MANSC4: variants seen among roughly 807,000 people sequenced by gnomAD.
MANSC4 encodes the protein MANSC domain-containing protein 4.
MANSC4 carries 11 observed loss-of-function variants against 11.4 expected under a neutral mutation model. The observed-to-expected ratio is 0.97, with a 90% CI of 0.61 to 1.60. MANSC4 has a LOEUF of 1.60. Among genes scored for constraint, MANSC4 ranks in the 40% most tolerant of loss-of-function variants. The pLI, the probability that MANSC4 is intolerant of heterozygous loss-of-function variation, is 0.00. For synonymous variants in MANSC4, 123 were observed against 147.1 expected (o/e 0.84, Z 1.19); for missense variants, 354 against 404.6 (o/e 0.88, Z 1.07).
chr12:27,768,890 A>AAAG (rs1470896166), intron 2 of MANSC4, among the ~76,000 whole-genome samples: 1 of 152,130 alleles, frequency 6.6e-6, no homozygotes, highest in Non-Finnish European at 1.5e-5. Context: ...TCGGCCTCCC[A>AAAG]AAGTGATGGG....
In MANSC4 at chr12:27,762,812, AC is replaced by A. The variant is rs2062053100; in HGVS notation, c.948del (p.Gln316HisfsTer20). 2 of 1,551,714 alleles carry A rather than the reference AC, an allele frequency of 1.3e-6. No individual in the cohort carries two copies. The highest frequency in any genetic ancestry group is 1.7e-6 in the Non-Finnish European group (2 of 1,147,016). On this transcript the variant is annotated frameshift_variant, in exon 4 of 4. Transcript: ENST00000381273. LOFTEE classifies it low-confidence loss of function (END_TRUNC). Reference sequence around the variant, plus strand: ...CCTGATTTTCTCTGTCCTGGTTTATACTGGCCCTGCTGCTTTCCACAGCATC... The same window carrying A: ...CCTGATTTTCTCTGTCCTGGTTTATATGGCCCTGCTGCTTTCCACAGCATC... ...ASGCCGKQQG[Q>X]YKPGQRKSGS...
Position 27,780,204 on chromosome 12 carries a change from C to T in MANSC4, c.-307+6G>A. On this transcript the variant is annotated splice_donor_region_variant and intron_variant, in intron 1 of 3. Coordinates refer to ENST00000381273, the MANE Select transcript of MANSC4 (RefSeq NM_001146221.5). This position sits in a 1 kb window ranked among gnomAD's most constrained non-coding sequence, Gnocchi z 8.8. ...GAGAGGCCGGGCGAGCGCGGGCGGC[C>T]CTCACCTCGCCGCTCCTCCCGGGCC... is the stretch of plus-strand genomic sequence containing the variant. 2.4e-6 allele frequency: 2 copies of T among 817,210 alleles called. No homozygotes were observed. Among genetic ancestry groups the T allele is most frequent in the East Asian group, 4.1e-5 (1 of 24,466 alleles). The allele number at this position is 817,210 out of a possible 1,614,324, so 50.6% of individuals were successfully genotyped here.
chr12:27,763,367 G>T lies in MANSC4; in HGVS notation c.394C>A (p.Gln132Lys). 6.5e-7 allele frequency: 1 copy of T among 1,547,892 alleles called. No homozygotes were observed. ...CGAGTATTTAGATATGTGGGAGATT[G>T]TTCAAAAACCAGCAAATCCGGATCT... The part of the protein sequence containing the change: ...GIDPDLLVFE[Q>K]SPTYLNTRSS... The change falls in exon 4 of 4, where the codon CAA becomes AAA. Residue 132 changes from glutamine (Q) to lysine (K), a missense_variant. Coordinates refer to ENST00000381273, the MANE Select transcript of MANSC4 (RefSeq NM_001146221.5).
In MANSC4 at chr12:27,773,965, T is replaced by C. The variant is rs375876299; in HGVS notation, c.-306-2383A>G. Among the ~76,000 whole-genome samples the C allele has an allele frequency of 1.2e-4, 19 of 152,222 alleles. No individual in the cohort carries two copies. In the East Asian group the frequency reaches 3.3e-3, roughly 26 times the overall value. On this transcript the variant is annotated intron_variant, in intron 1 of 3. Coordinates refer to ENST00000381273, the MANE Select transcript of MANSC4 (RefSeq NM_001146221.5). ...GAGTTTGAGACAAATGTGGCCAATA[T>C]GGTGAAACCTCATCTCTACTAAAAA...
intron 1 of MANSC4, among the ~76,000 whole-genome samples, chr12:27,773,972 A>AC (rs1435850409): frequency 3.3e-5 from 5 of 152,076 alleles, no homozygotes; most frequent in Non-Finnish European, 7.4e-5. Flanking sequence ...ATATGGTGAA[A>AC]CCTCATCTCT....
intron 3 of MANSC4, among the ~76,000 whole-genome samples, chr12:27,766,153 C>T (rs575836957): frequency 2.0e-4 from 30 of 151,906 alleles, no homozygotes; most frequent in East Asian, 5.8e-4. Context: ...CTGCAATCTC[C>T]GCCTCCCAGG....
chr12:27,764,257 T>C (rs1400530490), intron 3 of MANSC4, among the ~76,000 whole-genome samples: 1 of 152,166 alleles, frequency 6.6e-6, no homozygotes, highest in Non-Finnish European at 1.5e-5. Flanking sequence ...TCAACAGCTT[T>C]CCAATGGTCC....
intron 1 of MANSC4, among the ~76,000 whole-genome samples, chr12:27,775,763 A>C (rs1031874440): frequency 2.0e-5 from 3 of 147,216 alleles, no homozygotes; most frequent in Non-Finnish European, 4.6e-5. Flanking sequence ...TGCTGTTCCA[A>C]AATCTGTTTT....
chr12:27,769,471 G>A (rs1279575158), intron 2 of MANSC4, among the ~76,000 whole-genome samples: 4 of 152,134 alleles, frequency 2.6e-5, no homozygotes, highest in Non-Finnish European at 4.4e-5. Flanking sequence ...TGCCCTATAC[G>A]CTTACAGTAT....
Position 27,771,261 on chromosome 12 carries a change from C to T in MANSC4, c.16G>A (p.Val6Ile). 6.4e-7 allele frequency: 1 copy of T among 1,550,436 alleles called. No homozygotes were observed. Among genetic ancestry groups the T allele is most frequent in the East Asian group, 2.4e-5 (1 of 40,920 alleles). ...AGGAGCAATATCACGTTCACTGCTA[C>T]CTCTGCCACATGCATTTTTCCTGTA... Reference protein sequence around the residue: MHVAEVAVNVILLLSM... With the variant: MHVAEIAVNVILLLSM... Residue 6 changes from valine (V) to isoleucine (I), a missense_variant, in exon 2 of 4, where the codon GTA (valine) becomes ATA (isoleucine). By Grantham distance (29) the Val-to-Ile change is conservative. Transcript: ENST00000381273.
In MANSC4 at chr12:27,762,895, A is replaced by C. The variant is rs1199960957; in HGVS notation, c.866T>G (p.Val289Gly). The change falls in exon 4 of 4, where the codon GTG (valine) becomes GGG (glycine). Residue 289 changes from valine to glycine, a missense_variant. Coordinates refer to ENST00000381273, the MANE Select transcript of MANSC4 (RefSeq NM_001146221.5). Reference protein sequence around the residue: ...SVTSKTWLVSVALCTSVIFLG... With the variant: ...SVTSKTWLVSGALCTSVIFLG... Reference sequence around the variant, plus strand: ...AAAGATGACAGAGGTGCAAAGGGCCACAGAAACCAGCCAAGTCTTTGAAGT... The same window carrying C: ...AAAGATGACAGAGGTGCAAAGGGCCCCAGAAACCAGCCAAGTCTTTGAAGT... 21 of 1,552,052 alleles carry C rather than the reference A, an allele frequency of 1.4e-5. No individual in the cohort carries two copies. Among genetic ancestry groups the C allele is most frequent in the Non-Finnish European group, 1.7e-5 (20 of 1,147,134 alleles).
At position 27,766,124 on chromosome 12, in the gene MANSC4, G is replaced by A. The variant is rs142756512; in HGVS notation, c.364+541C>T. On this transcript the variant is annotated intron_variant, in intron 3 of 3. Coordinates refer to ENST00000381273, the MANE Select transcript of MANSC4 (RefSeq NM_001146221.5). Reference sequence around the variant, plus strand: ...TGCTCTGTCACCATGCTGGAGTGCAGTGGCGTGATCTCGGCTCACTGCAAT... The same window carrying A: ...TGCTCTGTCACCATGCTGGAGTGCAATGGCGTGATCTCGGCTCACTGCAAT... Among the ~76,000 whole-genome samples, 42 of 151,578 alleles carry A rather than the reference G, an allele frequency of 2.8e-4. No individual in the cohort carries two copies. The East Asian group carries it at 7.4e-3, about 27-fold the overall frequency.
rs867643350 is a variant in MANSC4 at position 27,774,178 on chromosome 12, A to C, written c.-306-2596T>G. Among the ~76,000 whole-genome samples the C allele has an allele frequency of 1.4e-4, 21 of 152,068 alleles. 1 individual carries two copies. The highest frequency in any genetic ancestry group is 3.4e-3 in the Middle Eastern group (1 of 294). ...AACCAAAAAACAAAACAAAAAAAAA[A>C]CCCCAGAAATAAAGTTGTTTTAGGA... is the stretch of plus-strand genomic sequence containing the variant. On this transcript the variant is annotated intron_variant, in intron 1 of 3. Transcript: ENST00000381273.
chr12:27,770,436 C>CT (rs35507573), intron 2 of MANSC4, among the ~76,000 whole-genome samples: 24,480 of 152,028 alleles, frequency 0.16, 2,521 homozygotes, highest in Non-Finnish European at 0.23. Flanking sequence ...CCACCTCGGC[C>CT]TCCCAAAATT....
intron 2 of MANSC4, 34 bp downstream of exon 2, chr12:27,771,014 C>T: frequency 6.7e-7 from 1 of 1,495,190 alleles, no homozygotes; most frequent in African/African-American, 1.4e-5. Context: ...GAAGTTTCTT[C>T]TTATTTTTGC....
intron 3 of MANSC4, among the ~76,000 whole-genome samples, 182 bp from the exon 4 acceptor site, chr12:27,763,578 T>G (rs1038848029): frequency 5.9e-5 from 9 of 152,126 alleles, no homozygotes; most frequent in Non-Finnish European, 1.2e-4. Context: ...TGAATTTATC[T>G]TAACTTTCTA....
At chr12:27,774,641 G>C (rs186645581) in intron 1 of MANSC4, among the ~76,000 whole-genome samples, 1 of 152,184 alleles carries the variant, frequency 6.6e-6, no homozygotes, top group East Asian at 1.9e-4. Context: ...TCCAGAATAG[G>C]GCAACACCTC....
intron 1 of MANSC4, among the ~76,000 whole-genome samples, chr12:27,773,354 A>C (rs892840081): frequency 1.3e-5 from 2 of 152,270 alleles, no homozygotes; most frequent in African/African-American, 4.8e-5. Context: ...GTGTTTTAAA[A>C]AGAAATGGTA....
chr12:27,775,816 G>A (rs1411544639), intron 1 of MANSC4, among the ~76,000 whole-genome samples: 3 of 151,330 alleles, frequency 2.0e-5, no homozygotes, highest in Middle Eastern at 3.4e-3. Context: ...TCAGCCAGGC[G>A]TGGTGGCTCA....
Sources: gnomAD v4.1 joint callset for allele counts (sites outside exome capture counted in the v4.1 genomes callset) on GRCh38, gnomAD v4.1.1 for gene constraint, Gnocchi (gnomAD v3.1) non-coding constraint, MANE v1.5 for transcripts, NCBI Gene and HGNC (gene_info 2026-07-23, HGNC 2026-07-21) for gene names.